ZFP90: variants seen among roughly 807,000 people sequenced by gnomAD.
ZFP90 encodes zinc finger protein 90 homolog.
Under a neutral mutation model 60.8 loss-of-function variants are expected in ZFP90, and 38 were observed. That is an observed-to-expected ratio of 0.62 (90% CI 0.48 to 0.82). ZFP90 has a LOEUF of 0.82. Ranked by LOEUF, ZFP90 falls within the 40% of genes least tolerant of loss-of-function variation. The pLI, the probability that ZFP90 is intolerant of heterozygous loss-of-function variation, is 0.00. For missense variants in ZFP90, 711 were observed against 759.1 expected, an observed-to-expected ratio of 0.94 and a Z score of 0.74; for synonymous variants, 287 against 264.8, an observed-to-expected ratio of 1.08 and a Z score of -0.82.
chr16:68,537,305 T>G (rs2090968171), upstream of ZFP90, among the ~76,000 whole-genome samples: 1 of 151,818 alleles, frequency 6.6e-6, no homozygotes, highest in Non-Finnish European at 1.5e-5. Context: ...TTTGTATGTT[T>G]AGTAGAGATG....
At chr16:68,540,636 T>G (rs1450600798) in intron 2 of ZFP90, among the ~76,000 whole-genome samples, 2 of 152,006 alleles carry the variant, frequency 1.3e-5, no homozygotes, top group African/African-American at 4.8e-5. Flanking sequence ...AATGACAGAT[T>G]GTAGTTGCTA....
In ZFP90 at chr16:68,564,913, G is replaced by A; in HGVS notation, c.*215G>A. ...CTAGTGTAAAAACAGCTACATGTAT[G>A]TAGCTGGTTGGGGATGATATGCCTG... On this transcript the variant is annotated 3_prime_UTR_variant, in exon 5 of 5. Coordinates refer to ENST00000563169, the MANE Select transcript of ZFP90 (RefSeq NM_001305203.2). The A allele has an allele frequency of 7.6e-7, 1 of 1,317,148 alleles. No homozygotes were observed. The highest frequency in any genetic ancestry group is 2.9e-5 in the East Asian group (1 of 34,328). The allele number at this position is 1,317,148 out of a possible 1,614,324, so 81.6% of individuals were successfully genotyped here.
At chr16:68,568,673 A>G (rs1334625017), downstream of ZFP90, among the ~76,000 whole-genome samples, 1 of 152,184 alleles carries the variant, frequency 6.6e-6, no homozygotes, top group Non-Finnish European at 1.5e-5. Flanking sequence ...ATAGGTTAAC[A>G]ATAAGTCATG....
chr16:68,571,641 G>T (rs774328597), downstream of ZFP90, among the ~76,000 whole-genome samples: 32 of 152,268 alleles, frequency 2.1e-4, no homozygotes, highest in Non-Finnish European at 4.0e-4. Flanking sequence ...TAAGAAAGAA[G>T]GGAGGGACCC....
At chr16:68,574,329 C>T (rs1168095865) in intron 2 of ZFP90, 2 of 149,752 alleles carry the variant, frequency 1.3e-5, no homozygotes, top group East Asian at 4.0e-4. Context: ...TCTTCCCTGT[C>T]TCCTTCCAAC....
intron 2 of ZFP90, among the ~76,000 whole-genome samples, chr16:68,551,918 C>T (rs1254163873): frequency 6.6e-6 from 1 of 151,834 alleles, no homozygotes; most frequent in Non-Finnish European, 1.5e-5. Context: ...GCCACCGTGC[C>T]CGGTTAATTT....
chr16:68,566,430 A>C lies in ZFP90; in HGVS notation c.*1732A>C. The stretch of plus-strand genomic sequence containing the variant: ...TTTCCTACTGGATTCTTTGCATGCC[A>C]CATAGCAGGATTCATTGCCTTTCTC... On this transcript the variant is annotated 3_prime_UTR_variant, in exon 5 of 5. Transcript: ENST00000563169. The C allele has an allele frequency of 1.0e-6, 1 of 985,598 alleles. No homozygotes were observed. Among genetic ancestry groups the C allele is most frequent in the Non-Finnish European group, 1.2e-6 (1 of 829,928 alleles). The allele number at this position is 985,598 out of a possible 1,614,324, so 61.1% of individuals were successfully genotyped here.
At chr16:68,573,289 CACAG>C (rs1472628243) in intron 2 of ZFP90, among the ~76,000 whole-genome samples, 2 of 152,202 alleles carry the variant, frequency 1.3e-5, no homozygotes, top group Non-Finnish European at 2.9e-5. Context: ...TGTGAATCGA[CACAG>C]AGAGCTGGGA....
intron 4 of ZFP90, among the ~76,000 whole-genome samples, chr16:68,561,087 G>C (rs914999110): frequency 1.3e-5 from 2 of 151,266 alleles, no homozygotes; most frequent in African/African-American, 2.4e-5. Flanking sequence ...TAGAGACAGG[G>C]TTTCACCGTG....
intron 2 of ZFP90, among the ~76,000 whole-genome samples, chr16:68,556,560 A>G (rs1242673718): frequency 1.3e-5 from 2 of 152,204 alleles, no homozygotes; most frequent in Non-Finnish European, 2.9e-5. Flanking sequence ...TTAAGTGCCC[A>G]CTAGGTGCCG....
At chr16:68,551,133 T>C (rs746299894) in intron 2 of ZFP90, among the ~76,000 whole-genome samples, 16 of 152,176 alleles carry the variant, frequency 1.1e-4, no homozygotes, top group Non-Finnish European at 2.1e-4. Flanking sequence ...CAAACTGTAT[T>C]TGTACATGTC....
chr16:68,545,952 A>G (rs1163783766), intron 2 of ZFP90, among the ~76,000 whole-genome samples: 1 of 152,220 alleles, frequency 6.6e-6, no homozygotes, highest in African/African-American at 2.4e-5. Context: ...AGACAGGCGA[A>G]TTGCATGAGC....
Position 68,551,877 on chromosome 16 carries a change from G to A in ZFP90, c.34-6121G>A, listed in dbSNP as rs570255122. 3.9e-5 allele frequency among the ~76,000 whole-genome samples: 6 copies of A among 152,242 alleles called. No individual in the cohort carries two copies. The South Asian group carries it at 1.2e-3, about 32-fold the overall frequency. On this transcript the variant is annotated intron_variant, in intron 2 of 4. Coordinates refer to ENST00000563169, the MANE Select transcript of ZFP90 (RefSeq NM_001305203.2). ...AGGTTCACACCATTCTCCTGCCTCA[G>A]CCTCCTCAGTATCTGGGACTACAGG...
At chr16:68,568,488 A>G (rs1044065259), downstream of ZFP90, among the ~76,000 whole-genome samples, 3 of 152,216 alleles carry the variant, frequency 2.0e-5, no homozygotes, top group Admixed American at 2.0e-4. Flanking sequence ...TAATTTGGCA[A>G]TATCCAGTAA....
rs1254853670 is a variant in ZFP90, at chr16:68,540,830, AT to A, written c.33+1008del. On this transcript the variant is annotated intron_variant, in intron 2 of 4. Coordinates refer to ENST00000563169, the MANE Select transcript of ZFP90 (RefSeq NM_001305203.2). Reference sequence around the variant, plus strand: ...CTGCAAAAAAAAAAAAAAAAAAAAAATTTAAAAGATAAAAACACCAACTTAG... The same window carrying A: ...CTGCAAAAAAAAAAAAAAAAAAAAAATTAAAAGATAAAAACACCAACTTAG... 6.6e-4 allele frequency among the ~76,000 whole-genome samples: 91 copies of A among 138,162 alleles called. 6 individuals are homozygous for A. Among genetic ancestry groups the A allele is most frequent in the Middle Eastern group, 3.7e-3 (1 of 270 alleles). 90.6% of individuals were successfully genotyped at this position (138,162 alleles called of 152,430 possible).
intron 2 of ZFP90, among the ~76,000 whole-genome samples, chr16:68,542,151 G>A (rs1201338414): frequency 6.6e-6 from 1 of 152,172 alleles, no homozygotes; most frequent in Non-Finnish European, 1.5e-5. Flanking sequence ...TTAATTTAGT[G>A]GGAGCAGACA....
Position 68,548,823 on chromosome 16 carries a change from AT to A in ZFP90, c.33+9001del, listed in dbSNP as rs902437788. The stretch of plus-strand genomic sequence containing the variant: ...CTATCTTTAAGTTCATCTTTTAAAA[AT>A]TTCTTCTTACTCGATTTATCAGAGG... On this transcript the variant is annotated intron_variant, in intron 2 of 4. Transcript: ENST00000563169. Among the ~76,000 whole-genome samples the A allele has an allele frequency of 1.1e-3, 163 of 152,220 alleles. 2 individuals are homozygous for A. The highest frequency in any genetic ancestry group is 3.8e-3 in the African/African-American group (156 of 41,534).
chr16:68,566,720 C>G lies in ZFP90; in HGVS notation c.*2022C>G. 1 of 985,580 alleles carries G rather than the reference C, an allele frequency of 1.0e-6. No homozygotes were observed. The highest frequency in any genetic ancestry group is 1.2e-6 in the Non-Finnish European group (1 of 829,944). The allele number at this position is 985,580 out of a possible 1,614,324, so 61.1% of individuals were successfully genotyped here. A position where few individuals can be genotyped will look rare whatever the true frequency, so the allele number is the denominator to read the frequency against. On this transcript the variant is annotated 3_prime_UTR_variant, in exon 5 of 5. Coordinates refer to ENST00000563169, the MANE Select transcript of ZFP90 (RefSeq NM_001305203.2). ...CATAGTTTGACAATGGGTAATTCTA[C>G]TCAGACCCTCCCTACTGATTGGCTA... is the stretch of plus-strand genomic sequence containing the variant.
In ZFP90 at chr16:68,564,804, T is replaced by G. The variant is rs374615081; in HGVS notation, c.*106T>G. ...GGAATGTAATGAATTACGTGTGTGT[T>G]TATACGTTGTGTGTGGAGAAAACTG... On this transcript the variant is annotated 3_prime_UTR_variant, in exon 5 of 5. Coordinates refer to ENST00000563169, the MANE Select transcript of ZFP90 (RefSeq NM_001305203.2). 11 of 1,444,770 alleles carry G rather than the reference T, an allele frequency of 7.6e-6. No homozygotes were observed. Among genetic ancestry groups the G allele is most frequent in the East Asian group, 4.9e-5 (2 of 41,218 alleles). 89.5% of individuals were successfully genotyped at this position (1,444,770 alleles called of 1,614,324 possible).
Sources: allele counts gnomAD v4.1 joint callset (sites outside exome capture counted in the v4.1 genomes callset), GRCh38; gene constraint gnomAD v4.1.1; transcripts MANE v1.5; gene names NCBI Gene and HGNC (gene_info 2026-07-23, HGNC 2026-07-21).